Variants in GPC5 observed in about 807,000 individuals in gnomAD.
GPC5 encodes the protein glypican-5.
Under a neutral mutation model 53.9 loss-of-function variants are expected in GPC5, and 47 were observed. That is an observed-to-expected ratio of 0.87 (90% confidence interval 0.69 to 1.11). GPC5 has a LOEUF of 1.11. Ranked by LOEUF, GPC5 falls within the 50% of genes most tolerant of loss-of-function variation. The pLI is 0.00. For synonymous variants in GPC5, 286 were observed against 263.3 expected (o/e 1.09, Z -0.84); for missense variants, 748 against 713.1 (o/e 1.05, Z -0.56).
intron 4 of GPC5, among the ~76,000 whole-genome samples, chr13:91,749,006 G>A (rs1416688921): frequency 2.0e-5 from 3 of 151,978 alleles, no homozygotes; most frequent in Non-Finnish European, 2.9e-5. Context: ...GCGCTCTTAC[G>A]CCATGGCAAG....
intron 6 of GPC5, among the ~76,000 whole-genome samples, chr13:92,076,856 A>G (rs1229262176): frequency 2.0e-5 from 3 of 152,298 alleles, no homozygotes; most frequent in East Asian, 1.9e-4. Context: ...GGCCCTCCCA[A>G]TCCTGAAGAA....
In GPC5 at chr13:91,636,453, TTGTG is replaced by T. The variant is rs144874102; in HGVS notation, c.326-56730_326-56727del. Among the ~76,000 whole-genome samples the T allele has an allele frequency of 8.6e-5, 13 of 150,296 alleles. No homozygotes were observed. In the South Asian group the frequency reaches 1.5e-3, roughly 17 times the overall value. On this transcript the variant is annotated intron_variant, in intron 2 of 7. Transcript: ENST00000377067. ...TGTGTGTGTATTTGTGTGTGTGTAT[TTGTG>T]TGTATCTCCTTTTAAAACAAAATCA... is the stretch of plus-strand genomic sequence containing the variant.
chr13:92,230,607 G>A (rs1040359379), intron 7 of GPC5, among the ~76,000 whole-genome samples: 13 of 152,088 alleles, frequency 8.5e-5, no homozygotes, highest in South Asian at 2.1e-4. Flanking sequence ...TAGACCCTGC[G>A]TTTATTAATA....
At chr13:91,974,521 T>A (rs2139097393) in intron 6 of GPC5, among the ~76,000 whole-genome samples, 1 of 152,038 alleles carries the variant, frequency 6.6e-6, no homozygotes, top group Admixed American at 6.6e-5. Flanking sequence ...CATTCACAAT[T>A]GCTTCAAAGA....
At chr13:92,436,139 T>A (rs1297591162) in intron 7 of GPC5, among the ~76,000 whole-genome samples, 6 of 152,268 alleles carry the variant, frequency 3.9e-5, no homozygotes, top group Non-Finnish European at 8.8e-5. Context: ...CATCCATTAA[T>A]GTTGATGGAA....
rs900383742 is a variant in GPC5, at chr13:91,555,349, A to G, written c.325+106427A>G. 3.3e-5 allele frequency among the ~76,000 whole-genome samples: 5 copies of G among 152,148 alleles called. No homozygotes were observed. In the South Asian group the frequency reaches 6.2e-4, roughly 19 times the overall value. On this transcript the variant is annotated intron_variant, in intron 2 of 7. Coordinates refer to ENST00000377067, the MANE Select transcript of GPC5 (RefSeq NM_004466.6). ...ATGCCTGTAGTATAAATTACTCCTC[A>G]AAAAGATGCTTATCTAACTTCCCCG...
intron 2 of GPC5, among the ~76,000 whole-genome samples, chr13:91,553,368 G>A (rs1333195001): frequency 2.0e-5 from 3 of 151,952 alleles, no homozygotes; most frequent in African/African-American, 7.2e-5. Flanking sequence ...CTCCTTGCAG[G>A]CAGGAAGAAT....
chr13:92,278,528 T>C (rs2042891590), intron 7 of GPC5, among the ~76,000 whole-genome samples: 3 of 152,058 alleles, frequency 2.0e-5, no homozygotes, highest in Non-Finnish European at 4.4e-5. Flanking sequence ...GGATGGGCAA[T>C]GTACCTTTTA....
chr13:91,880,119 T>C (rs1384398526), intron 5 of GPC5, among the ~76,000 whole-genome samples: 1 of 152,072 alleles, frequency 6.6e-6, no homozygotes, highest in Non-Finnish European at 1.5e-5. Flanking sequence ...TAAAATTTTT[T>C]TTAAATAAGG....
intron 5 of GPC5, among the ~76,000 whole-genome samples, chr13:91,867,119 G>A (rs535754223): frequency 4.6e-5 from 7 of 152,206 alleles, no homozygotes; most frequent in Non-Finnish European, 1.0e-4. Flanking sequence ...GGAGGCTGAG[G>A]CAGGAGAATC....
intron 7 of GPC5, among the ~76,000 whole-genome samples, chr13:92,434,979 A>G (rs1227836422): frequency 6.6e-6 from 1 of 152,226 alleles, no homozygotes; most frequent in African/African-American, 2.4e-5. Flanking sequence ...CAGTAGTGCC[A>G]TCTCAGCTCA....
At chr13:92,036,471 C>T (rs2040893908) in intron 6 of GPC5, among the ~76,000 whole-genome samples, 1 of 152,130 alleles carries the variant, frequency 6.6e-6, no homozygotes, top group African/African-American at 2.4e-5. Flanking sequence ...CTCTTATGTG[C>T]TCATTATAAG....
At chr13:92,527,363 A>T (rs1881402853) in intron 7 of GPC5, among the ~76,000 whole-genome samples, 2 of 152,252 alleles carry the variant, frequency 1.3e-5, no homozygotes, top group Middle Eastern at 3.4e-3. Context: ...GGAAAAGGCA[A>T]GCAGCATGAA....
chr13:91,997,643 C>T (rs1257475233), intron 6 of GPC5, among the ~76,000 whole-genome samples: 2 of 152,082 alleles, frequency 1.3e-5, no homozygotes. Context: ...CTCAGCCTCC[C>T]GAGTAGCTGG....
chr13:92,052,782 G>T (rs2041041159), intron 6 of GPC5, among the ~76,000 whole-genome samples: 1 of 152,176 alleles, frequency 6.6e-6, no homozygotes, highest in Non-Finnish European at 1.5e-5. Flanking sequence ...AAAGAGCCAA[G>T]TTATACAGCA....
At chr13:91,946,710 A>T (rs981066030) in intron 6 of GPC5, among the ~76,000 whole-genome samples, 12 of 152,120 alleles carry the variant, frequency 7.9e-5, no homozygotes, top group Non-Finnish European at 1.5e-4. Flanking sequence ...TGCTCATCCC[A>T]CCTTCTCTCA....
chr13:92,449,582 G>T (rs565862157), intron 7 of GPC5, among the ~76,000 whole-genome samples: 2 of 152,170 alleles, frequency 1.3e-5, no homozygotes, highest in African/African-American at 4.8e-5. Context: ...CAAGTATTAT[G>T]TAATGCAGTA....
chr13:91,418,964 A>T (rs1878420954), intron 1 of GPC5, among the ~76,000 whole-genome samples: 1 of 152,066 alleles, frequency 6.6e-6, no homozygotes, highest in Non-Finnish European at 1.5e-5. Flanking sequence ...GTCCTGAAAG[A>T]CAAAAGGTGC....
chr13:91,766,166 A>T (rs1292810800), intron 5 of GPC5, among the ~76,000 whole-genome samples: 1 of 152,204 alleles, frequency 6.6e-6, no homozygotes, highest in East Asian at 1.9e-4. Flanking sequence ...TACAAGTGGG[A>T]ATAGTTTACA....
Sources: allele counts gnomAD v4.1 joint callset (sites outside exome capture counted in the v4.1 genomes callset), GRCh38; gene constraint gnomAD v4.1.1; transcripts MANE v1.5; gene names NCBI Gene and HGNC (gene_info 2026-07-23, HGNC 2026-07-21).